Variants in CRYL1 observed in about 807,000 individuals in gnomAD.
The protein encoded by CRYL1 is crystallin lambda 1.
CRYL1 carries 29 observed loss-of-function variants against 36.6 expected under a neutral mutation model. That is an observed-to-expected ratio of 0.79 (90% CI 0.59 to 1.08). CRYL1 has a LOEUF of 1.08. Among genes scored for constraint, CRYL1 ranks in the 50% least tolerant of loss-of-function variants. CRYL1 has a pLI of 0.00. For synonymous variants in CRYL1, 152 were observed against 151.5 expected (o/e 1.00, Z -0.02); for missense variants, 411 against 407.9 (o/e 1.01, Z -0.06).
At chr13:20,458,654 C>G (rs1423188524) in intron 3 of CRYL1, among the ~76,000 whole-genome samples, 1 of 152,138 alleles carries the variant, frequency 6.6e-6, no homozygotes, top group East Asian at 1.9e-4. Context: ...GTCTTCAAAA[C>G]TCAGTGGGAA....
intron 5 of CRYL1, among the ~76,000 whole-genome samples, chr13:20,417,805 T>C (rs2031708418): frequency 6.6e-6 from 1 of 152,084 alleles, no homozygotes; most frequent in South Asian, 2.1e-4. Context: ...ATCCGTGAAG[T>C]AGGAGAAAAT....
chr13:20,460,593 T>C (rs1344573458), intron 3 of CRYL1, among the ~76,000 whole-genome samples: 1 of 133,810 alleles, frequency 7.5e-6, no homozygotes, highest in Non-Finnish European at 1.5e-5. Context: ...TGGCGCTATC[T>C]CGGCTCACTG....
chr13:20,482,032 C>T (rs1565978709), intron 3 of CRYL1, among the ~76,000 whole-genome samples: 1 of 152,140 alleles, frequency 6.6e-6, no homozygotes, highest in Non-Finnish European at 1.5e-5. Flanking sequence ...CCCCCCACCC[C>T]CACACCCATC....
At chr13:20,436,802 C>T (rs1198180088) in intron 4 of CRYL1, among the ~76,000 whole-genome samples, 1 of 152,142 alleles carries the variant, frequency 6.6e-6, no homozygotes, top group African/African-American at 2.4e-5. Context: ...AACAAGCCTC[C>T]TTTTTCTTCA....
chr13:20,420,975 C>T (rs1474574946), intron 5 of CRYL1, among the ~76,000 whole-genome samples: 3 of 151,832 alleles, frequency 2.0e-5, no homozygotes, highest in African/African-American at 4.8e-5. Flanking sequence ...CCTCATGATC[C>T]GTCCGCCTTG....
chr13:20,484,721 G>A (rs1290305473), intron 3 of CRYL1, among the ~76,000 whole-genome samples: 1 of 152,084 alleles, frequency 6.6e-6, no homozygotes, highest in South Asian at 2.1e-4. Flanking sequence ...TCTATTTACA[G>A]TATAATCTCA....
Position 20,415,553 on chromosome 13 carries a change from C to G in CRYL1, c.634-2166G>C, listed in dbSNP as rs2031641158. On this transcript the variant is annotated intron_variant, in intron 5 of 7. Transcript: ENST00000298248. This position sits in a 1 kb window ranked among gnomAD's most constrained non-coding sequence, Gnocchi z 4.1. ...GGCGAGGGCGAGGGCCAGGGCCACT[C>G]ACTGTGACCCGCGACTCCCTTTTAG... 6.6e-6 allele frequency among the ~76,000 whole-genome samples: 1 copy of G among 152,134 alleles called. No homozygotes were observed. The highest frequency in any genetic ancestry group is 1.9e-4 in the East Asian group (1 of 5,178).
At chr13:20,406,671 A>T (rs2031385639) in intron 6 of CRYL1, among the ~76,000 whole-genome samples, 1 of 152,066 alleles carries the variant, frequency 6.6e-6, no homozygotes, top group Non-Finnish European at 1.5e-5. Flanking sequence ...TTGCTTATTT[A>T]TTAAAACTAA....
chr13:20,508,721 C>A (rs927372488), intron 2 of CRYL1, among the ~76,000 whole-genome samples: 2 of 150,520 alleles, frequency 1.3e-5, no homozygotes, highest in East Asian at 3.9e-4. Context: ...TGGTGGCGGG[C>A]GCCTGTAGTC....
intron 3 of CRYL1, chr13:20,472,988 G>A (rs918803856): frequency 3.3e-5 from 5 of 152,264 alleles, no homozygotes; most frequent in Admixed American, 1.3e-4. Flanking sequence ...TCTTGCCATC[G>A]GGATGTTAGG....
chr13:20,491,804 GC>G (rs965499751), intron 2 of CRYL1, among the ~76,000 whole-genome samples: 16 of 151,992 alleles, frequency 1.1e-4, no homozygotes, highest in African/African-American at 3.9e-4. Context: ...AAACAAGCAA[GC>G]AAAAAACAAA....
At position 20,525,339 on chromosome 13, in the gene CRYL1, C is replaced by A. The variant is rs1372852526; in HGVS notation, c.41+415G>T. ...ACTGCTTAGTCTCAGTATTCTCATT[C>A]GTAAAATGGGGATGAGAACACAGTC... On this transcript the variant is annotated intron_variant, in intron 1 of 7. Coordinates refer to ENST00000298248, the MANE Select transcript of CRYL1 (RefSeq NM_015974.3). This position sits in a 1 kb window ranked among gnomAD's most constrained non-coding sequence, Gnocchi z 4.3. Among the ~76,000 whole-genome samples the A allele has an allele frequency of 2.0e-5, 3 of 152,220 alleles. No individual in the cohort carries two copies. Among genetic ancestry groups the A allele is most frequent in the South Asian group, 2.1e-4 (1 of 4,834 alleles).
rs1408191483 is a variant in CRYL1 at position 20,435,422 on chromosome 13, G to A, written c.439-3126C>T. On this transcript the variant is annotated intron_variant, in intron 4 of 7. Transcript: ENST00000298248. The surrounding 1 kb of genome is among the most constrained non-coding windows in gnomAD (Gnocchi z 4.0). Reference sequence around the variant, plus strand: ...CACACCGACTTCCATCCACACCTCCGTGTCCACCTACGGAAGCCGCCGCAA... The same window carrying A: ...CACACCGACTTCCATCCACACCTCCATGTCCACCTACGGAAGCCGCCGCAA... 6.6e-6 allele frequency among the ~76,000 whole-genome samples: 1 copy of A among 152,030 alleles called. No homozygotes were observed. Among genetic ancestry groups the A allele is most frequent in the Admixed American group, 6.5e-5 (1 of 15,270 alleles).
intron 6 of CRYL1, chr13:20,406,144 G>C (rs2031368900): frequency 6.6e-6 from 1 of 152,116 alleles, no homozygotes; most frequent in South Asian, 2.1e-4. Context: ...AAGGTAACAT[G>C]GGGACAAACG....
At chr13:20,502,977 C>T (rs2033729102) in intron 2 of CRYL1, among the ~76,000 whole-genome samples, 1 of 151,986 alleles carries the variant, frequency 6.6e-6, no homozygotes. Flanking sequence ...GCACAGCACA[C>T]AGGATCATGC....
intron 2 of CRYL1, among the ~76,000 whole-genome samples, chr13:20,502,167 A>G (rs1439562924): frequency 1.3e-5 from 2 of 152,102 alleles, no homozygotes; most frequent in East Asian, 3.9e-4. Context: ...ATTCACACCC[A>G]TTAGCCACCC....
chr13:20,444,987 G>C (rs913848052), intron 3 of CRYL1, among the ~76,000 whole-genome samples: 37 of 152,314 alleles, frequency 2.4e-4, no homozygotes, highest in African/African-American at 8.7e-4. Context: ...CAAAGTGCCA[G>C]AATTACAGGA....
At chr13:20,407,832 C>T (rs2031416257) in intron 6 of CRYL1, among the ~76,000 whole-genome samples, 1 of 152,210 alleles carries the variant, frequency 6.6e-6, no homozygotes, top group Admixed American at 6.5e-5. Flanking sequence ...GGGCTGTGGG[C>T]CTCTGAGGGA....
chr13:20,431,221 C>G (rs1326880523), intron 5 of CRYL1: 1 of 985,300 alleles, frequency 1.0e-6, no homozygotes, highest in Non-Finnish European at 1.2e-6. Flanking sequence ...TGGTTGCCAT[C>G]TCAGGCAAGG....
Sources: gnomAD v4.1 joint callset for allele counts (sites outside exome capture counted in the v4.1 genomes callset) on GRCh38, gnomAD v4.1.1 for gene constraint, Gnocchi (gnomAD v3.1) non-coding constraint, MANE v1.5 for transcripts, NCBI Gene and HGNC (gene_info 2026-07-23, HGNC 2026-07-21) for gene names.